Variants in ZNF318 observed in about 807,000 individuals in gnomAD.
ZNF318 encodes endocrine regulator.
ZNF318 carries 51 observed loss-of-function variants against 124.2 expected under a neutral mutation model. That is an observed-to-expected ratio of 0.41 (90% confidence interval 0.33 to 0.52). The LOEUF is 0.52. Ranked by LOEUF, ZNF318 falls within the 20% of genes least tolerant of loss-of-function variation. The pLI, the probability that ZNF318 is intolerant of heterozygous loss-of-function variation, is 0.23. For synonymous variants in ZNF318, 1,090 were observed against 1,040.7 expected (o/e 1.05, Z -0.91); for missense variants, 2,815 against 2,811.2 (o/e 1.00, Z -0.03).
chr6:43,355,497 C>A lies in ZNF318; in HGVS notation c.1837G>T (p.Ala613Ser), dbSNP rs747539490. ...CCATGAAGTCGTTCCTGGGTGCGTG[C>A]AGCCAATTGACTAATCTCTGCTACT... is the stretch of plus-strand genomic sequence containing the variant. Reference protein sequence around the residue: ...IGVAEISQLAARTQERLHGKK... With the variant: ...IGVAEISQLASRTQERLHGKK... The change falls in exon 4 of 10, where the codon GCA becomes TCA. Residue 613 changes from alanine (A) to serine (S), a missense_variant. By Grantham distance (99) the Ala-to-Ser change is moderately conservative (BLOSUM62 1). Around this residue, in one of 4 missense-constraint regions of ZNF318, gnomAD observed 1,377 missense variants for 1,353.5 expected, o/e 1.02. Transcript: ENST00000361428. 1 of 1,614,174 alleles carries A rather than the reference C, an allele frequency of 6.2e-7. No individual in the cohort carries two copies. The highest frequency in any genetic ancestry group is 8.5e-7 in the Non-Finnish European group (1 of 1,180,022).
At chr6:43,342,530 CT>C in intron 7 of ZNF318, 145 bp downstream of exon 7, 1 of 816,858 alleles carries the variant, frequency 1.2e-6, no homozygotes, top group Non-Finnish European at 1.9e-6. Flanking sequence ...ATGGTGTCTC[CT>C]TTGTTGGTGT....
chr6:43,351,243 G>A (rs934074095), intron 5 of ZNF318, among the ~76,000 whole-genome samples: 20 of 152,186 alleles, frequency 1.3e-4, no homozygotes, highest in African/African-American at 4.1e-4. Flanking sequence ...GTACAGGAAC[G>A]TGAAAACTGA....
rs115529577 is a variant in ZNF318, at chr6:43,360,505, A to C, written c.549-2740T>G. Among the ~76,000 whole-genome samples the C allele has an allele frequency of 3.1e-3, 467 of 152,352 alleles. 4 individuals are homozygous for C. Among genetic ancestry groups the C allele is most frequent in the African/African-American group, 0.01 (436 of 41,582 alleles). On this transcript the variant is annotated intron_variant, in intron 2 of 9. Transcript: ENST00000361428. Reference sequence around the variant, plus strand: ...TAAAATAAAGTCTATCTATTTAAAAAAACTGATTGTTGGAGTTAGGTAATA... The same window carrying C: ...TAAAATAAAGTCTATCTATTTAAAACAACTGATTGTTGGAGTTAGGTAATA...
Position 43,339,864 on chromosome 6 carries a change from A to C in ZNF318, c.4134T>G (p.Ser1378=), listed in dbSNP as rs1485590680. 6.2e-7 allele frequency: 1 copy of C among 1,614,194 alleles called. No individual in the cohort carries two copies. Among genetic ancestry groups the C allele is most frequent in the Admixed American group, 1.7e-5 (1 of 60,010 alleles). ...SKPAPLNTFL[S]IKSSGTTAKP... ...TAGCAGTGGTTCCAGAGGACTTAAT[A>C]GACAGAAAGGTGTTAAGAGGAGCTG... Residue 1378 remains serine (S), a synonymous_variant, in exon 10 of 10, where the codon TCT becomes TCG. Coordinates refer to ENST00000361428, the MANE Select transcript of ZNF318 (RefSeq NM_014345.3). This position sits in a 1 kb window ranked among gnomAD's most constrained non-coding sequence, Gnocchi z 4.2.
chr6:43,337,271 A>T lies in ZNF318; in HGVS notation c.6727T>A (p.Ser2243Thr). ...TCAATTACCTGCTCCCTTGGAGGGGACCTTGACACTGGAGCTTTAACCAAA... is the reference window on the plus strand; with the variant it reads ...TCAATTACCTGCTCCCTTGGAGGGGTCCTTGACACTGGAGCTTTAACCAAA... Reference protein sequence around the residue: ...LNLVKAPVSRSPPREQVIEDN... With the variant: ...LNLVKAPVSRTPPREQVIEDN... Residue 2243 changes from serine to threonine, a missense_variant, in exon 10 of 10, where the codon TCC becomes ACC. Physicochemically the swap from Ser to Thr is moderately conservative, Grantham distance 58. This residue lies in a region of ZNF318 where 927 missense variants were observed against 820.6 expected (regional missense o/e 1.13). Transcript: ENST00000361428. 2 of 1,614,104 alleles carry T rather than the reference A, an allele frequency of 1.2e-6. No individual in the cohort carries two copies. Among genetic ancestry groups the T allele is most frequent in the Non-Finnish European group, 1.7e-6 (2 of 1,180,004 alleles).
rs770889014 is a variant in ZNF318, at chr6:43,355,796, A to G, written c.1538T>C (p.Met513Thr). ...CTGTGTACTGGTAGAATCAGCCAAC[A>G]TGCTCAGAATGCGGGAAAAACCACT... The part of the protein sequence containing the change: ...DGSGFSRILS[M>T]LADSTSTQEK... The change falls in exon 4 of 10, where the codon ATG (methionine) becomes ACG (threonine). Residue 513 changes from methionine to threonine, a missense_variant. Met to Thr is a moderately conservative substitution (Grantham distance 81, BLOSUM62 -1). Transcript: ENST00000361428. 12 of 1,614,136 alleles carry G rather than the reference A, an allele frequency of 7.4e-6. No homozygotes were observed. The highest frequency in any genetic ancestry group is 2.7e-5 in the African/African-American group (2 of 74,946).
intron 2 of ZNF318, among the ~76,000 whole-genome samples, chr6:43,363,203 T>C (rs188874515): frequency 2.0e-5 from 3 of 152,284 alleles, no homozygotes; most frequent in African/African-American, 2.4e-5. Context: ...ATCCTAGGCC[T>C]AAGAAGAACT....
chr6:43,338,315 G>T lies in ZNF318; in HGVS notation c.5683C>A (p.His1895Asn). Residue 1895 changes from histidine (H) to asparagine (N), a missense_variant, in exon 10 of 10, where the codon CAT becomes AAT. Physicochemically the swap from His to Asn is moderately conservative, Grantham distance 68 (BLOSUM62 1). Coordinates refer to ENST00000361428, the MANE Select transcript of ZNF318 (RefSeq NM_014345.3). ...CACATAGCTGATCTGGCTGGGGAAT[G>T]AAGCAGCAACTCTGGGGCAGAAATT... ...VKISAPELLLHSPARSAMCLT... is the reference protein window; with the variant it reads ...VKISAPELLLNSPARSAMCLT... 1.9e-6 allele frequency: 3 copies of T among 1,614,220 alleles called. No individual in the cohort carries two copies. Among genetic ancestry groups the T allele is most frequent in the Non-Finnish European group, 2.5e-6 (3 of 1,180,034 alleles).
rs73440342 is a variant in ZNF318 at position 43,351,042 on chromosome 6, G to A, written c.2770+1335C>T. Among the ~76,000 whole-genome samples, 272 of 152,290 alleles carry A rather than the reference G, an allele frequency of 1.8e-3. 2 individuals are homozygous for A. The highest frequency in any genetic ancestry group is 6.1e-3 in the African/African-American group (255 of 41,568). On this transcript the variant is annotated intron_variant, in intron 5 of 9. Coordinates refer to ENST00000361428, the MANE Select transcript of ZNF318 (RefSeq NM_014345.3). ...CAAATAATTAAAGTTAACATCACCA[G>A]CAATGGGACAAATCAACACCTGATA... is the stretch of plus-strand genomic sequence containing the variant.
At position 43,357,322 on chromosome 6, in the gene ZNF318, C is replaced by G; in HGVS notation, c.992G>C (p.Arg331Pro). 1 of 1,614,180 alleles carries G rather than the reference C, an allele frequency of 6.2e-7. No individual in the cohort carries two copies. The highest frequency in any genetic ancestry group is 1.1e-5 in the South Asian group (1 of 91,084). ...CAGCTCCTGACTCAAGCTCCTACTT[C>G]GCTCCTCCTCTTCCTCTCGCTTTCG... ...ARRKREEEEE[R>P]SRSLSQELVG... The change falls in exon 3 of 10, where the codon CGA (arginine) becomes CCA (proline). Residue 331 changes from arginine to proline, a missense_variant. Transcript: ENST00000361428.
intron 8 of ZNF318, 31 bp from the exon 9 acceptor site, chr6:43,340,939 A>G: frequency 6.7e-7 from 1 of 1,503,116 alleles, no homozygotes; most frequent in Non-Finnish European, 9.3e-7. Context: ...TCAAGGAAAT[A>G]AGTCGATTCC....
At position 43,338,279 on chromosome 6, in the gene ZNF318, T is replaced by C; in HGVS notation, c.5719A>G (p.Ser1907Gly). The C allele has an allele frequency of 6.2e-7, 1 of 1,614,192 alleles. No individual in the cohort carries two copies. The highest frequency in any genetic ancestry group is 1.1e-5 in the South Asian group (1 of 91,066). ...ACTGAAACTCCTTGCTCTTGTGGAC[T>C]ACCTGTTAAACACATAGCTGATCTG... ...PARSAMCLTG[S>G]PQEQGVSVVS... The change falls in exon 10 of 10, where the codon AGT becomes GGT. Residue 1907 changes from serine (S) to glycine (G), a missense_variant. Ser to Gly is a moderately conservative substitution (Grantham distance 56). Around this residue, in one of 4 missense-constraint regions of ZNF318, gnomAD observed 927 missense variants for 820.6 expected, o/e 1.13. Coordinates refer to ENST00000361428, the MANE Select transcript of ZNF318 (RefSeq NM_014345.3).
Position 43,338,866 on chromosome 6 carries a change from T to C in ZNF318, c.5132A>G (p.Asp1711Gly), listed in dbSNP as rs1431984387. The change falls in exon 10 of 10, where the codon GAT becomes GGT. Residue 1711 changes from aspartate to glycine, a missense_variant. This residue lies in a region of ZNF318 where 927 missense variants were observed against 820.6 expected (regional missense o/e 1.13). Coordinates refer to ENST00000361428, the MANE Select transcript of ZNF318 (RefSeq NM_014345.3). ...SSSFQSDTSR[D>G]ISPEKSELDL... ...AAGCTCACTCTTCTCTGGAGATATATCCCTACTAGTGTCACTCTGGAAGGA... is the reference window on the plus strand; with the variant it reads ...AAGCTCACTCTTCTCTGGAGATATACCCCTACTAGTGTCACTCTGGAAGGA... 2 of 1,614,134 alleles carry C rather than the reference T, an allele frequency of 1.2e-6. No individual in the cohort carries two copies. Among genetic ancestry groups the C allele is most frequent in the Non-Finnish European group, 1.7e-6 (2 of 1,180,028 alleles).
At chr6:43,350,992 G>A (rs1215447751) in intron 5 of ZNF318, among the ~76,000 whole-genome samples, 2 of 152,126 alleles carry the variant, frequency 1.3e-5, no homozygotes, top group Non-Finnish European at 2.9e-5. Flanking sequence ...TTATAGTGGA[G>A]AAATCTGGCA....
chr6:43,354,818 G>C lies in ZNF318; in HGVS notation c.2516C>G (p.Pro839Arg), dbSNP rs1056523615. ...CTTAGGCTTATCAGGAGTCACAGTG[G>C]GGATCACACGAAGATTGGGACGGCT... ...TRSRPNLRVI[P>R]TVTPDKPKQK... Residue 839 changes from proline (P) to arginine (R), a missense_variant, in exon 4 of 10, where the codon CCC (proline) becomes CGC (arginine). This residue lies in a region of ZNF318 where 1,377 missense variants were observed against 1,353.5 expected (regional missense o/e 1.02). Transcript: ENST00000361428. 1.7e-5 allele frequency: 27 copies of C among 1,614,046 alleles called. No individual in the cohort carries two copies. Among genetic ancestry groups the C allele is most frequent in the Non-Finnish European group, 2.1e-5 (25 of 1,180,022 alleles).
At chr6:43,356,981 G>T in intron 3 of ZNF318, 145 bp downstream of exon 3, 1 of 919,582 alleles carries the variant, frequency 1.1e-6, no homozygotes. Flanking sequence ...AGTTTCGTTT[G>T]GAGAGTCCTA....
At position 43,337,006 on chromosome 6, in the gene ZNF318, A is replaced by AT. The variant is rs980613235; in HGVS notation, c.*151dup. 2 of 627,632 alleles carry AT rather than the reference A, an allele frequency of 3.2e-6. No individual in the cohort carries two copies. Among genetic ancestry groups the AT allele is most frequent in the African/African-American group, 3.8e-5 (2 of 53,172 alleles). 38.9% of individuals were successfully genotyped at this position (627,632 alleles called of 1,614,324 possible). A position where few individuals can be genotyped will look rare whatever the true frequency, so the allele number is the denominator to read the frequency against. On this transcript the variant is annotated 3_prime_UTR_variant, in exon 10 of 10. Transcript: ENST00000361428. The stretch of plus-strand genomic sequence containing the variant: ...GGAAAGGGAAAAGGAAAGGAGGTAA[A>AT]TTTTTTAGCTTCCATGAACATTTAC...
rs1779580266 is a variant in ZNF318 at position 43,354,783 on chromosome 6, A to C, written c.2551T>G (p.Ser851Ala). ...VTPDKPKQKE[S>A]LRGSIPAAQV... ...GCCGCAGGAATTGAGCCTCGCAGAG[A>C]CTCTTTCTGCTTAGGCTTATCAGGA... Residue 851 changes from serine (S) to alanine (A), a missense_variant, in exon 4 of 10, where the codon TCT becomes GCT. Around this residue, in one of 4 missense-constraint regions of ZNF318, gnomAD observed 1,377 missense variants for 1,353.5 expected, o/e 1.02. Coordinates refer to ENST00000361428, the MANE Select transcript of ZNF318 (RefSeq NM_014345.3). 3 of 1,613,964 alleles carry C rather than the reference A, an allele frequency of 1.9e-6. No homozygotes were observed. In the South Asian group the frequency reaches 3.3e-5, roughly 18 times the overall value.
Position 43,340,294 on chromosome 6 carries a change from T to C in ZNF318, c.3704A>G (p.Asp1235Gly), listed in dbSNP as rs199598557. 3 of 1,613,986 alleles carry C rather than the reference T, an allele frequency of 1.9e-6. No individual in the cohort carries two copies. Among genetic ancestry groups the C allele is most frequent in the Non-Finnish European group, 2.5e-6 (3 of 1,179,990 alleles). The change falls in exon 10 of 10, where the codon GAC (aspartate) becomes GGC (glycine). Residue 1235 changes from aspartate to glycine, a missense_variant. Asp to Gly is a moderately conservative substitution (Grantham distance 94). This residue lies in a region of ZNF318 where 500 missense variants were observed against 605.2 expected (regional missense o/e 0.83). Transcript: ENST00000361428. ...EDDKVSEKLE[D>G]QLSEGRNSPE... Reference sequence around the variant, plus strand: ...GGAGTTCCTACCCTCAGAGAGTTGGTCTTCTAATTTCTCAGAGACCTTGTC... The same window carrying C: ...GGAGTTCCTACCCTCAGAGAGTTGGCCTTCTAATTTCTCAGAGACCTTGTC...
Sources: gnomAD v4.1 joint callset for allele counts (sites outside exome capture counted in the v4.1 genomes callset) on GRCh38, gnomAD v4.1.1 for gene constraint, gnomAD v4.1.1 regional missense constraint, Gnocchi (gnomAD v3.1) non-coding constraint, MANE v1.5 for transcripts, NCBI Gene and HGNC (gene_info 2026-07-23, HGNC 2026-07-21) for gene names.